Variants in GIGYF2 observed in about 807,000 individuals in gnomAD.
GIGYF2 encodes the protein GRB10-interacting GYF protein 2.
Under a neutral mutation model 208.1 loss-of-function variants are expected in GIGYF2, and 25 were observed. That is an observed-to-expected ratio of 0.12 (90% CI 0.09 to 0.17). The LOEUF (loss-of-function observed/expected upper bound fraction) is 0.17, where lower values mean the gene tolerates loss of function less well. Among genes scored for constraint, GIGYF2 ranks in the 10% least tolerant of loss-of-function variants. The probability of loss-of-function intolerance (pLI) is 1.00; values close to 1 mark genes in which losing one functional copy is unlikely to be tolerated. For synonymous variants in GIGYF2, 534 were observed against 543.8 expected (o/e 0.98, Z 0.25); for missense variants, 1,302 against 1,579.4 (o/e 0.82, Z 2.98).
At position 232,844,384 on chromosome 2, in the gene GIGYF2, A is replaced by T. The variant is rs1370265617; in HGVS notation, c.3115A>T (p.Thr1039Ser). The change falls in exon 25 of 29, where the codon ACC becomes TCC. Residue 1039 changes from threonine (T) to serine (S), a missense_variant. By Grantham distance (58) the Thr-to-Ser change is moderately conservative. This residue lies in a region of GIGYF2 where 701 missense variants were observed against 793.0 expected (regional missense o/e 0.88). Transcript: ENST00000373563. The stretch of plus-strand genomic sequence containing the variant: ...TCTTTAACAGCATTCCAACCTGCAC[A>T]CCAGCATTGGGAATTCTGTTTGGGG... ...ARNNTHSNLH[T>S]SIGNSVWGSI... 1 of 1,613,432 alleles carries T rather than the reference A, an allele frequency of 6.2e-7. No individual in the cohort carries two copies. The highest frequency in any genetic ancestry group is 1.3e-5 in the African/African-American group (1 of 74,922).
intron 21 of GIGYF2, among the ~76,000 whole-genome samples, chr2:232,820,507 G>A (rs1424399277): frequency 3.3e-5 from 5 of 151,712 alleles, no homozygotes; most frequent in Non-Finnish European, 7.4e-5. Flanking sequence ...GTAGAGACGG[G>A]GTTTCATTGT....
chr2:232,725,383 C>T (rs1697149253), intron 2 of GIGYF2, among the ~76,000 whole-genome samples: 1 of 152,170 alleles, frequency 6.6e-6, no homozygotes, highest in South Asian at 2.1e-4. Flanking sequence ...TTTCCTGCAC[C>T]TCCCCCTGTC....
At chr2:232,755,459 C>T (rs917224594) in intron 5 of GIGYF2, among the ~76,000 whole-genome samples, 7 of 152,310 alleles carry the variant, frequency 4.6e-5, no homozygotes, top group African/African-American at 7.2e-5. Flanking sequence ...TGAACCACCA[C>T]GCCTGGCCTT....
At chr2:232,780,065 CTTGTGGAGA>C (rs762515496) in intron 8 of GIGYF2, among the ~76,000 whole-genome samples, 4 of 152,128 alleles carry the variant, frequency 2.6e-5, no homozygotes, top group Non-Finnish European at 4.4e-5. Context: ...GCTTGTGGAG[CTTGTGGAGA>C]TTGGGCACTT....
In GIGYF2 at chr2:232,847,476, A is replaced by G. The variant is rs1452389770; in HGVS notation, c.3589A>G (p.Lys1197Glu). The G allele has an allele frequency of 6.2e-7, 1 of 1,613,226 alleles. No individual in the cohort carries two copies. The stretch of plus-strand genomic sequence containing the variant: ...CAAGCAGTTCCTTGAGCGCCGTGCC[A>G]AACAGAAAGCCAACCAGCAGCGTCA... ...FAKQFLERRA[K>E]QKANQQRQQQ... Residue 1197 changes from lysine to glutamate, a missense_variant, in exon 27 of 29, where the codon AAA (lysine) becomes GAA (glutamate). This residue lies in a region of GIGYF2 where 701 missense variants were observed against 793.0 expected (regional missense o/e 0.88). Transcript: ENST00000373563.
intron 2 of GIGYF2, among the ~76,000 whole-genome samples, chr2:232,726,550 G>T (rs1402383321): frequency 6.6e-6 from 1 of 152,000 alleles, no homozygotes; most frequent in East Asian, 1.9e-4. Context: ...AGTCCAGCCT[G>T]GGTAACAGTG....
intron 23 of GIGYF2, among the ~76,000 whole-genome samples, chr2:232,840,195 A>G (rs1204715696): frequency 6.6e-6 from 1 of 152,240 alleles, no homozygotes. Context: ...CAGTTTTCTT[A>G]AACATTTTAC....
At chr2:232,851,155 T>TA (rs1263749007) in intron 28 of GIGYF2, among the ~76,000 whole-genome samples, 5 of 152,148 alleles carry the variant, frequency 3.3e-5, no homozygotes, top group Admixed American at 2.6e-4. Flanking sequence ...ACCATATCTC[T>TA]AAAAAAAATT....
chr2:232,747,295 A>G, intron 3 of GIGYF2, among the ~76,000 whole-genome samples: 1 of 152,088 alleles, frequency 6.6e-6, no homozygotes, highest in South Asian at 2.1e-4. Context: ...GTAGTATCTC[A>G]CTTTTGTTTT....
chr2:232,776,673 A>C, intron 8 of GIGYF2: 2 of 555,354 alleles, frequency 3.6e-6, no homozygotes, highest in South Asian at 4.9e-5. Context: ...AGCTCTGATC[A>C]TGTGGAAAAG....
chr2:232,698,030 A>AT (rs934977545), intron 1 of GIGYF2, among the ~76,000 whole-genome samples: 7 of 152,306 alleles, frequency 4.6e-5, no homozygotes, highest in African/African-American at 1.4e-4. Context: ...ACTAGAGCCC[A>AT]TGGCAGCCTT....
intron 12 of GIGYF2, among the ~76,000 whole-genome samples, chr2:232,793,301 G>A (rs1489139998): frequency 1.3e-5 from 2 of 152,220 alleles, no homozygotes; most frequent in Non-Finnish European, 2.9e-5. Context: ...CTCCTGAGCA[G>A]TCACTATGGG....
intron 8 of GIGYF2, chr2:232,766,610 C>G (rs1698973635): frequency 6.6e-6 from 1 of 152,260 alleles, no homozygotes; most frequent in African/African-American, 2.4e-5. Context: ...GAATGAATGT[C>G]TAAGATTTTC....
At chr2:232,730,097 A>G (rs1697392857) in intron 2 of GIGYF2, 2 of 1,290,380 alleles carry the variant, frequency 1.5e-6, no homozygotes, top group Admixed American at 3.4e-5. Flanking sequence ...ATACTGCCAC[A>G]TCTGCTTGTG....
chr2:232,820,997 A>AT (rs1218110690), intron 21 of GIGYF2, among the ~76,000 whole-genome samples: 2 of 151,596 alleles, frequency 1.3e-5, no homozygotes, highest in Non-Finnish European at 2.9e-5. Flanking sequence ...CGTCTGGCTA[A>AT]TTTTTTTGTA....
At chr2:232,703,628 C>G (rs1031690516) in intron 2 of GIGYF2, 139 bp downstream of exon 2, 4 of 152,456 alleles carry the variant, frequency 2.6e-5, no homozygotes, top group Non-Finnish European at 5.9e-5. Flanking sequence ...TGGTGCCTGT[C>G]AGATCCTTTA....
intron 13 of GIGYF2, among the ~76,000 whole-genome samples, chr2:232,795,817 G>T (rs1469895492): frequency 6.6e-6 from 1 of 152,156 alleles, no homozygotes; most frequent in African/African-American, 2.4e-5. Flanking sequence ...AATCTTAGTT[G>T]ATTTGATTAG....
chr2:232,707,263 A>C (rs888739434), intron 2 of GIGYF2, among the ~76,000 whole-genome samples: 1 of 152,178 alleles, frequency 6.6e-6, no homozygotes, highest in Non-Finnish European at 1.5e-5. Flanking sequence ...CTGGGCCAGG[A>C]GGAAGTCTTG....
intron 2 of GIGYF2, among the ~76,000 whole-genome samples, chr2:232,708,610 G>A (rs575427893): frequency 6.6e-6 from 1 of 150,608 alleles, no homozygotes; most frequent in Non-Finnish European, 1.5e-5. Context: ...TGAGGCAGGT[G>A]AATTGCTTGA....
Sources: gnomAD v4.1 joint callset for allele counts (sites outside exome capture counted in the v4.1 genomes callset) on GRCh38, gnomAD v4.1.1 for gene constraint, gnomAD v4.1.1 regional missense constraint, MANE v1.5 for transcripts, NCBI Gene and HGNC (gene_info 2026-07-23, HGNC 2026-07-21) for gene names.